Variants in NUCB2 observed in about 807,000 individuals in gnomAD.
NUCB2 encodes nucleobindin-2.
In NUCB2, 48 loss-of-function variants were observed where a neutral mutation model predicts 57.9. The observed-to-expected ratio is 0.83, with a 90% CI of 0.66 to 1.05. NUCB2 has a LOEUF of 1.05. Ranked by LOEUF, NUCB2 falls within the 50% of genes least tolerant of loss-of-function variation. The probability of loss-of-function intolerance (pLI) is 0.00; values close to 1 mark genes in which losing one functional copy is unlikely to be tolerated. For missense variants in NUCB2, 442 were observed against 476.2 expected (o/e 0.93, Z 0.67); for synonymous variants, 139 against 152.1 (o/e 0.91, Z 0.64).
intron 2 of NUCB2, among the ~76,000 whole-genome samples, chr11:17,285,020 TAC>T (rs1943388960): frequency 6.6e-6 from 1 of 151,994 alleles, no homozygotes; most frequent in Non-Finnish European, 1.5e-5. Flanking sequence ...TCTCAATACA[TAC>T]ATACATACAT....
intron 1 of NUCB2, chr11:17,278,355 T>G (rs1941811785): frequency 6.6e-6 from 1 of 151,958 alleles, no homozygotes; most frequent in South Asian, 2.1e-4. Flanking sequence ...TTTTGTATTT[T>G]TATTAGAGAC....
Position 17,348,319 on chromosome 11 carries a change from G to GGTT in NUCB2, n.2627-1026_2627-1025insGTT, listed in dbSNP as rs1952917777. On this transcript the variant is annotated intron_variant and non_coding_transcript_variant, in intron 2 of 2. Coordinates refer to the NUCB2 transcript ENST00000532240. ...TGAGGTGTTTTTTGTTTGTTTTTGT[G>GGTT]TTTTTTTTTTTTTTTTTTTTTTTTT... Among the ~76,000 whole-genome samples the GGTT allele has an allele frequency of 7.3e-4, 62 of 84,472 alleles. 9 individuals are homozygous for GGTT. The highest frequency in any genetic ancestry group is 2.9e-3 in the African/African-American group (59 of 20,070). The allele number at this position is 84,472 out of a possible 152,430, so 55.4% of individuals were successfully genotyped here. A position where few individuals can be genotyped will look rare whatever the true frequency, so the allele number is the denominator to read the frequency against.
At chr11:17,284,399 A>C (rs2137985025) in intron 2 of NUCB2, among the ~76,000 whole-genome samples, 1 of 152,264 alleles carries the variant, frequency 6.6e-6, no homozygotes, top group South Asian at 2.1e-4. Flanking sequence ...CATTATTTCT[A>C]TTTCAAAAGT....
At chr11:17,328,101 C>T (rs369096308) in intron 11 of NUCB2, among the ~76,000 whole-genome samples, 35 of 152,322 alleles carry the variant, frequency 2.3e-4, no homozygotes, top group African/African-American at 7.9e-4. Context: ...TTCCACGGGA[C>T]TTGGGCCCAA....
At chr11:17,282,256 ATATTTTT>A (rs374392305) in intron 1 of NUCB2, among the ~76,000 whole-genome samples, 37 of 108,304 alleles carry the variant, frequency 3.4e-4, no homozygotes, top group East Asian at 1.8e-3. Flanking sequence ...ATATATATAT[ATATTTTT>A]TTTTTTTTTT....
intron 7 of NUCB2, 43 bp from the exon 8 acceptor site, chr11:17,311,149 AG>A: frequency 6.7e-7 from 1 of 1,500,096 alleles, no homozygotes; most frequent in Non-Finnish European, 9.1e-7. Flanking sequence ...CTGTACAGAT[AG>A]ATTATATTTT....
intron 11 of NUCB2, among the ~76,000 whole-genome samples, chr11:17,329,695 T>C (rs556913463): frequency 1.3e-5 from 2 of 152,340 alleles, no homozygotes; most frequent in East Asian, 3.9e-4. Context: ...AGACTGTCTC[T>C]TTTGCCCTTC....
intron 4 of NUCB2, among the ~76,000 whole-genome samples, 195 bp downstream of exon 4, chr11:17,296,406 C>T (rs948919260): frequency 3.9e-5 from 6 of 152,016 alleles, no homozygotes; most frequent in Non-Finnish European, 8.8e-5. Context: ...AACATTTGCA[C>T]GTGCCAGGCA....
At chr11:17,285,705 C>G (rs972559312) in intron 2 of NUCB2, among the ~76,000 whole-genome samples, 3 of 137,694 alleles carry the variant, frequency 2.2e-5, no homozygotes, top group Non-Finnish European at 4.5e-5. Context: ...GATCGCGCCA[C>G]TGCACTCCAG....
At chr11:17,284,928 T>G (rs1423280464) in intron 2 of NUCB2, among the ~76,000 whole-genome samples, 2 of 152,202 alleles carry the variant, frequency 1.3e-5, no homozygotes, top group Admixed American at 1.3e-4. Context: ...CTCGCTTACC[T>G]TTGTCTTCTA....
chr11:17,328,561 C>T (rs1018817357), intron 11 of NUCB2, among the ~76,000 whole-genome samples: 2 of 152,178 alleles, frequency 1.3e-5, no homozygotes, highest in African/African-American at 4.8e-5. Context: ...AGGCAGAGGA[C>T]CCTCTCCCTG....
At chr11:17,297,807 T>C (rs214109) in intron 4 of NUCB2, among the ~76,000 whole-genome samples, 149,368 of 152,304 alleles carry the variant, frequency 0.98, 73,320 homozygotes, top group Middle Eastern at 1. Flanking sequence ...TGAGGGTCCG[T>C]GTGTGGTGGC....
At chr11:17,297,066 G>T (rs1945935378) in intron 4 of NUCB2, among the ~76,000 whole-genome samples, 1 of 152,118 alleles carries the variant, frequency 6.6e-6, no homozygotes, top group South Asian at 2.1e-4. Flanking sequence ...TGACATGAGA[G>T]ATTCTTGTAA....
intron 11 of NUCB2, among the ~76,000 whole-genome samples, chr11:17,321,869 T>A (rs898038035): frequency 1.3e-5 from 2 of 152,212 alleles, no homozygotes; most frequent in African/African-American, 2.4e-5. Flanking sequence ...CTTTTTCATA[T>A]GCCTGTTTGC....
chr11:17,296,724 T>C (rs1003762672), intron 4 of NUCB2, among the ~76,000 whole-genome samples: 1 of 152,112 alleles, frequency 6.6e-6, no homozygotes, highest in African/African-American at 2.4e-5. Flanking sequence ...AAGCAGTAAC[T>C]GTGGCTAGAC....
intron 2 of NUCB2, among the ~76,000 whole-genome samples, chr11:17,347,180 C>G (rs1430511814): frequency 2.6e-5 from 4 of 152,198 alleles, no homozygotes; most frequent in African/African-American, 9.7e-5. Flanking sequence ...CAGGAAGGCT[C>G]TAAGTGCGGT....
intron 1 of NUCB2, among the ~76,000 whole-genome samples, chr11:17,279,163 G>T (rs1942006442): frequency 6.6e-6 from 1 of 152,186 alleles, no homozygotes; most frequent in Admixed American, 6.6e-5. Context: ...TTGCACTCCA[G>T]CCTGGGCAAC....
At chr11:17,294,082 T>C (rs560012185) in intron 2 of NUCB2, among the ~76,000 whole-genome samples, 1 of 152,346 alleles carries the variant, frequency 6.6e-6, no homozygotes, top group East Asian at 1.9e-4. Context: ...CACCTATGTA[T>C]GTGTGGACAA....
intron 2 of NUCB2, among the ~76,000 whole-genome samples, chr11:17,287,406 T>C (rs1426759158): frequency 2.0e-5 from 3 of 151,978 alleles, no homozygotes; most frequent in African/African-American, 7.2e-5. Flanking sequence ...GCGTGGTGGC[T>C]CACACCTGTA....
Sources: gnomAD v4.1 joint callset for allele counts (sites outside exome capture counted in the v4.1 genomes callset) on GRCh38, gnomAD v4.1.1 for gene constraint, MANE v1.5 for transcripts, NCBI Gene and HGNC (gene_info 2026-07-23, HGNC 2026-07-21) for gene names.